CUL1: variants seen among roughly 807,000 people sequenced by gnomAD.
CUL1 encodes the protein cullin 1.
Under a neutral mutation model 118.0 loss-of-function variants are expected in CUL1, and 24 were observed. The ratio of observed to expected loss-of-function variants is 0.20; its 90% CI spans 0.15 to 0.29. The LOEUF (loss-of-function observed/expected upper bound fraction) is 0.29, where lower values mean the gene tolerates loss of function less well. Among genes scored for constraint, CUL1 ranks in the 10% least tolerant of loss-of-function variants. The probability of loss-of-function intolerance (pLI) is 1.00; values close to 1 mark genes in which losing one functional copy is unlikely to be tolerated. For missense variants in CUL1, 361 were observed against 933.8 expected (o/e 0.39, Z 7.99); for synonymous variants, 332 against 340.4 (o/e 0.98, Z 0.27).
chr7:148,797,648 A>G (rs1167246450), intron 17 of CUL1, among the ~76,000 whole-genome samples, 164 bp from the exon 18 acceptor site: 1 of 150,982 alleles, frequency 6.6e-6, no homozygotes, highest in Non-Finnish European at 1.5e-5. Flanking sequence ...AATTTAGTGA[A>G]CTTCTAAGAA....
intron 2 of CUL1, among the ~76,000 whole-genome samples, chr7:148,735,418 T>G (rs1798906786): frequency 6.6e-6 from 1 of 152,226 alleles, no homozygotes; most frequent in Admixed American, 6.5e-5. Flanking sequence ...CGCCTTCCCT[T>G]CCATAGGAGC....
intron 1 of CUL1, among the ~76,000 whole-genome samples, chr7:148,709,058 G>A (rs577766676): frequency 5.3e-5 from 8 of 152,196 alleles, no homozygotes; most frequent in Non-Finnish European, 1.0e-4. Flanking sequence ...ATAGGTGAGC[G>A]TGTATGTGTA....
chr7:148,735,232 G>A (rs1424364538), intron 2 of CUL1, among the ~76,000 whole-genome samples: 1 of 152,328 alleles, frequency 6.6e-6, no homozygotes, highest in East Asian at 1.9e-4. Flanking sequence ...TGATTGCTGG[G>A]GGTCGGGGCA....
chr7:148,706,806 T>C (rs1797900159), intron 1 of CUL1, among the ~76,000 whole-genome samples: 1 of 152,162 alleles, frequency 6.6e-6, no homozygotes, highest in African/African-American at 2.4e-5. Flanking sequence ...GGTATTTTTA[T>C]AATGGAGCTC....
chr7:148,715,952 G>A (rs2129459162), intron 1 of CUL1, among the ~76,000 whole-genome samples: 1 of 152,252 alleles, frequency 6.6e-6, no homozygotes, highest in Non-Finnish European at 1.5e-5. Flanking sequence ...TTAATTTAGT[G>A]ATACAAAGAA....
At chr7:148,752,689 C>T (rs551519637) in intron 2 of CUL1, among the ~76,000 whole-genome samples, 1 of 152,298 alleles carries the variant, frequency 6.6e-6, no homozygotes, top group East Asian at 1.9e-4. Context: ...TGCTCTGTCG[C>T]CCAGGCTGGA....
At chr7:148,767,843 G>A in intron 9 of CUL1, 94 bp downstream of exon 9, 3 of 1,260,560 alleles carry the variant, frequency 2.4e-6, no homozygotes, top group South Asian at 1.4e-5. Flanking sequence ...AAATCTAAAT[G>A]GTACCATTTT....
chr7:148,774,007 C>T (rs139982006), intron 9 of CUL1, among the ~76,000 whole-genome samples: 4 of 151,920 alleles, frequency 2.6e-5, no homozygotes, highest in Admixed American at 6.6e-5. Flanking sequence ...CCCATTGCTC[C>T]GAAAAGGACT....
chr7:148,797,726 A>G, intron 17 of CUL1, 86 bp from the exon 18 acceptor site: 1 of 953,700 alleles, frequency 1.0e-6, no homozygotes, highest in East Asian at 2.5e-5. Flanking sequence ...TTTTAATGGA[A>G]AATGGACTGT....
In CUL1 at chr7:148,767,719, C is replaced by A; in HGVS notation, c.1053C>A (p.Ala351=). Reference sequence around the variant, plus strand: ...ACATTCATAATCAGGGTCTTGCAGCCATTGAAAAGTGTGGAGAAGCTGCTT... The same window carrying A: ...ACATTCATAATCAGGGTCTTGCAGCAATTGAAAAGTGTGGAGAAGCTGCTT... ...ETHIHNQGLA[A]IEKCGEAALN... Residue 351 remains alanine (A), a synonymous_variant, in exon 9 of 22, where the codon GCC becomes GCA. Transcript: ENST00000325222. 1.9e-6 allele frequency: 3 copies of A among 1,613,690 alleles called. No homozygotes were observed. Among genetic ancestry groups the A allele is most frequent in the Non-Finnish European group, 1.7e-6 (2 of 1,179,834 alleles).
intron 7 of CUL1, among the ~76,000 whole-genome samples, chr7:148,762,604 T>G (rs1350865337): frequency 6.6e-6 from 1 of 152,246 alleles, no homozygotes; most frequent in African/African-American, 2.4e-5. Context: ...AGTGTTGTAT[T>G]CCTAAACACT....
chr7:148,762,292 G>A (rs1799855995), intron 7 of CUL1, among the ~76,000 whole-genome samples: 2 of 152,202 alleles, frequency 1.3e-5, no homozygotes, highest in Admixed American at 6.5e-5. Context: ...TTTGTTTGTG[G>A]TGACCTGAAT....
chr7:148,759,763 G>A (rs1041809851), intron 6 of CUL1, 125 bp downstream of exon 6: 5 of 486,122 alleles, frequency 1.0e-5, no homozygotes, highest in East Asian at 1.0e-4. Context: ...ATTTACGAAG[G>A]TACTTACATT....
At chr7:148,743,332 G>A (rs1042007688) in intron 2 of CUL1, among the ~76,000 whole-genome samples, 6 of 152,180 alleles carry the variant, frequency 3.9e-5, no homozygotes, top group Non-Finnish European at 7.3e-5. Context: ...CTCCCTGTGT[G>A]ATATTGTCCT....
intron 14 of CUL1, 147 bp from the exon 15 acceptor site, chr7:148,789,603 T>G (rs1800939672): frequency 1.5e-6 from 1 of 685,050 alleles, no homozygotes; most frequent in Non-Finnish European, 2.5e-6. Flanking sequence ...TGTTCAATTC[T>G]TAATTTTATA....
intron 7 of CUL1, 65 bp from the exon 8 acceptor site, chr7:148,766,496 T>A: frequency 1.5e-6 from 2 of 1,319,146 alleles, no homozygotes. Context: ...AATTTACATA[T>A]TAAAGAATTG....
intron 1 of CUL1, among the ~76,000 whole-genome samples, chr7:148,700,818 G>GT: frequency 6.6e-6 from 1 of 152,218 alleles, no homozygotes; most frequent in East Asian, 1.9e-4. Flanking sequence ...ATATGCTAGG[G>GT]TTTTTCACCA....
intron 1 of CUL1, among the ~76,000 whole-genome samples, chr7:148,725,978 G>T (rs1798567352): frequency 6.6e-6 from 1 of 152,150 alleles, no homozygotes; most frequent in African/African-American, 2.4e-5. Context: ...ATAGCAGCAG[G>T]AATAGAAGAT....
At chr7:148,714,302 TG>T (rs1798141779) in intron 1 of CUL1, among the ~76,000 whole-genome samples, 1 of 152,246 alleles carries the variant, frequency 6.6e-6, no homozygotes, top group Non-Finnish European at 1.5e-5. Flanking sequence ...AACATTTTTT[TG>T]TGGTAAGAAC....
Sources: allele counts gnomAD v4.1 joint callset (sites outside exome capture counted in the v4.1 genomes callset), GRCh38; gene constraint gnomAD v4.1.1; transcripts MANE v1.5; gene names NCBI Gene and HGNC (gene_info 2026-07-23, HGNC 2026-07-21).